The following PCDH10 variants were observed in gnomAD, a reference collection of about 807,000 sequenced individuals.
The protein encoded by PCDH10 is protocadherin 10.
Under a neutral mutation model 74.4 loss-of-function variants are expected in PCDH10, and 15 were observed. The ratio of observed to expected loss-of-function variants is 0.20; its 90% confidence interval spans 0.13 to 0.31. The LOEUF is 0.31. PCDH10 is among the 10% of genes least tolerant of loss of function. The pLI is 1.00. For synonymous variants in PCDH10, 619 were observed against 589.8 expected, an observed-to-expected ratio of 1.05 and a Z score of -0.72; for missense variants, 1,260 against 1,390.2, an observed-to-expected ratio of 0.91 and a Z score of 1.49.
chr4:133,154,516 A>G (rs987025387), intron 2 of PCDH10, 151 bp downstream of exon 2: 2 of 563,530 alleles, frequency 3.5e-6, no homozygotes, highest in South Asian at 2.8e-5. Flanking sequence ...TGTTTCCTAG[A>G]CAATACATTA....
At chr4:133,175,074 T>C (rs1198316161) in intron 4 of PCDH10, among the ~76,000 whole-genome samples, 1 of 151,914 alleles carries the variant, frequency 6.6e-6, no homozygotes, top group Non-Finnish European at 1.5e-5. Flanking sequence ...ATATATCCAA[T>C]ATAGAGAAAG....
Position 133,159,914 on chromosome 4 carries a change from A to G in PCDH10, c.2798-3063A>G, listed in dbSNP as rs1211932366. ...GCATCATAAAGTCATTTATCACAAC[A>G]AAACTTAAATATGCCTCTGCTTACT... is the stretch of plus-strand genomic sequence containing the variant. On this transcript the variant is annotated intron_variant, in intron 3 of 4. Coordinates refer to ENST00000264360, the MANE Select transcript of PCDH10 (RefSeq NM_032961.3). 2.0e-5 allele frequency among the ~76,000 whole-genome samples: 3 copies of G among 151,950 alleles called. No individual in the cohort carries two copies. In the East Asian group the frequency reaches 5.8e-4, roughly 29 times the overall value.
chr4:133,207,646 T>C (rs1198723080), intron 2 of PCDH10, among the ~76,000 whole-genome samples: 1 of 152,182 alleles, frequency 6.6e-6, no homozygotes, highest in East Asian at 1.9e-4. Context: ...GTAACTGTAC[T>C]CATCAATTAC....
intron 2 of PCDH10, among the ~76,000 whole-genome samples, chr4:133,201,968 T>G (rs1470224367): frequency 2.0e-5 from 3 of 152,042 alleles, no homozygotes; most frequent in African/African-American, 7.3e-5. Flanking sequence ...TTAGGGCATT[T>G]GAGGCTCTCT....
chr4:133,202,617 C>T (rs1439677329), intron 2 of PCDH10, among the ~76,000 whole-genome samples: 2 of 151,924 alleles, frequency 1.3e-5, no homozygotes, highest in Non-Finnish European at 2.9e-5. Context: ...TCCAAGGGGT[C>T]AATTCTTAGA....
At position 133,152,198 on chromosome 4, in the gene PCDH10, G is replaced by A. The variant is rs1478985261; in HGVS notation, c.2058G>A (p.Gln686=). The change falls in exon 1 of 5, where the codon CAG becomes CAA. Residue 686 remains glutamine, a synonymous_variant. Coordinates refer to ENST00000264360, the MANE Select transcript of PCDH10 (RefSeq NM_032961.3). ...VQLVDGAVEP[Q]GGGGSGGGGS... ...TGGTGGATGGCGCCGTGGAGCCCCA[G>A]GGCGGGGGCGGGAGCGGAGGCGGAG... The A allele has an allele frequency of 6.3e-7, 1 of 1,581,156 alleles. No individual in the cohort carries two copies. Among genetic ancestry groups the A allele is most frequent in the Non-Finnish European group, 8.6e-7 (1 of 1,163,988 alleles).
chr4:133,162,082 G>A (rs1726981388), intron 3 of PCDH10, among the ~76,000 whole-genome samples: 1 of 152,120 alleles, frequency 6.6e-6, no homozygotes, highest in African/African-American at 2.4e-5. Flanking sequence ...ATCTAAGGAA[G>A]ACAATGAAAT....
In PCDH10 at chr4:133,150,656, G is replaced by T. The variant is rs765112971; in HGVS notation, c.516G>T (p.Gln172His). ...TPNSYFSLDVQTQGDGNRFAE... is the reference protein window; with the variant it reads ...TPNSYFSLDVHTQGDGNRFAE... ...ACAGCTACTTCTCCCTGGACGTGCAGACCCAGGGGGATGGCAACCGATTCG... is the reference window on the plus strand; with the variant it reads ...ACAGCTACTTCTCCCTGGACGTGCATACCCAGGGGGATGGCAACCGATTCG... Residue 172 changes from glutamine to histidine, a missense_variant, in exon 1 of 5, where the codon CAG (glutamine) becomes CAT (histidine). Gln to His is a conservative substitution (Grantham distance 24, BLOSUM62 0). Transcript: ENST00000264360. 1 of 1,613,182 alleles carries T rather than the reference G, an allele frequency of 6.2e-7. No individual in the cohort carries two copies. The highest frequency in any genetic ancestry group is 8.5e-7 in the Non-Finnish European group (1 of 1,179,978).
At position 133,164,034 on chromosome 4, in the gene PCDH10, G is replaced by A. The variant is rs571597474; in HGVS notation, c.3103+752G>A. 11 of 456,024 alleles carry A rather than the reference G, an allele frequency of 2.4e-5. 1 individual carries two copies. Among genetic ancestry groups the A allele is most frequent in the South Asian group, 1.6e-4 (10 of 64,346 alleles). 28.2% of individuals were successfully genotyped at this position (456,024 alleles called of 1,614,324 possible). Reference sequence around the variant, plus strand: ...TGCTTAAAGGAATGGTCTTTTATTAGATGCATACATTGTAGTGACAACAAT... The same window carrying A: ...TGCTTAAAGGAATGGTCTTTTATTAAATGCATACATTGTAGTGACAACAAT... On this transcript the variant is annotated intron_variant, in intron 4 of 4. Transcript: ENST00000264360.
At position 133,152,386 on chromosome 4, in the gene PCDH10, A is replaced by G. The variant is rs746251600; in HGVS notation, c.2246A>G (p.Tyr749Cys). The change falls in exon 1 of 5, where the codon TAT becomes TGT. Residue 749 changes from tyrosine (Y) to cysteine (C), a missense_variant. Physicochemically the swap from Tyr to Cys is radical, Grantham distance 194. Coordinates refer to ENST00000264360, the MANE Select transcript of PCDH10 (RefSeq NM_032961.3). ...RCQKEKKLNI[Y>C]TCLASDCCLC... Reference sequence around the variant, plus strand: ...CAAAAAGAGAAGAAGCTCAACATCTATACTTGTCTGGCCAGCGATTGCTGC... The same window carrying G: ...CAAAAAGAGAAGAAGCTCAACATCTGTACTTGTCTGGCCAGCGATTGCTGC... The G allele has an allele frequency of 3.3e-5, 53 of 1,614,052 alleles. No homozygotes were observed. The Admixed American group carries it at 8.7e-4, about 26-fold the overall frequency.
At chr4:133,160,888 T>C (rs975536424) in intron 3 of PCDH10, among the ~76,000 whole-genome samples, 8 of 152,022 alleles carry the variant, frequency 5.3e-5, no homozygotes, top group African/African-American at 1.4e-4. Context: ...GTTTCTACTA[T>C]TAAAAAAATC....
rs1726609974 is a variant in PCDH10, at chr4:133,149,871, TATTA to T, written c.-265_-262del. Reference sequence around the variant, plus strand: ...GCTGACTATTGTATTATTGTTATTTTATTAATTAGTCAGTGGAAAGATTACAGAT... The same window carrying T: ...GCTGACTATTGTATTATTGTTATTTTATTAGTCAGTGGAAAGATTACAGAT... On this transcript the variant is annotated 5_prime_UTR_variant, in exon 1 of 5. Transcript: ENST00000264360. The T allele has an allele frequency of 3.0e-6, 1 of 335,274 alleles. No individual in the cohort carries two copies. Among genetic ancestry groups the T allele is most frequent in the Non-Finnish European group, 5.4e-6 (1 of 185,616 alleles). 20.8% of individuals were successfully genotyped at this position (335,274 alleles called of 1,614,324 possible). A position where few individuals can be genotyped will look rare whatever the true frequency, so the allele number is the denominator to read the frequency against.
intron 4 of PCDH10, among the ~76,000 whole-genome samples, chr4:133,171,401 C>T (rs191870188): frequency 1.6e-3 from 242 of 152,184 alleles, no homozygotes; most frequent in African/African-American, 5.3e-3. Context: ...AGAAGTAACA[C>T]ATAACTAAAA....
chr4:133,202,414 A>G (rs528956368), intron 2 of PCDH10, among the ~76,000 whole-genome samples: 5 of 152,326 alleles, frequency 3.3e-5, no homozygotes, highest in Admixed American at 1.3e-4. Flanking sequence ...ACCTTACTCA[A>G]GAGCCCAACA....
At chr4:133,197,338 G>A (rs901643389), downstream of PCDH10, among the ~76,000 whole-genome samples, 3 of 152,080 alleles carry the variant, frequency 2.0e-5, no homozygotes, top group Admixed American at 6.6e-5. Context: ...GGCAGTATTC[G>A]GTATCTGCTC....
chr4:133,155,534 A>G (rs919844421), intron 3 of PCDH10, among the ~76,000 whole-genome samples: 1 of 152,230 alleles, frequency 6.6e-6, no homozygotes, highest in Non-Finnish European at 1.5e-5. Context: ...ATGGTGATTA[A>G]AAGTCATTAA....
intron 4 of PCDH10, among the ~76,000 whole-genome samples, chr4:133,181,472 T>C (rs979455584): frequency 1.3e-5 from 2 of 152,094 alleles, no homozygotes; most frequent in Non-Finnish European, 2.9e-5. Flanking sequence ...AGGACAGCAT[T>C]GCCAGACTTA....
At position 133,151,000 on chromosome 4, in the gene PCDH10, A is replaced by T. The variant is rs761355771; in HGVS notation, c.860A>T (p.Tyr287Phe). The change falls in exon 1 of 5, where the codon TAC becomes TTC. Residue 287 changes from tyrosine to phenylalanine, a missense_variant. Transcript: ENST00000264360. ...PDEGQNGEVV[Y>F]SFSSHISPRA... ...GAGGGCCAGAACGGTGAGGTCGTGT[A>T]CTCCTTCAGCAGCCACATTTCGCCC... 41 of 1,613,568 alleles carry T rather than the reference A, an allele frequency of 2.5e-5. No individual in the cohort carries two copies. The South Asian group carries it at 4.2e-4, about 16-fold the overall frequency.
At position 133,192,823 on chromosome 4, in the gene PCDH10, GA is replaced by G. The variant is rs1727708199; in HGVS notation, c.*2664del. The G allele has an allele frequency of 2.0e-5, 3 of 151,550 alleles. No individual in the cohort carries two copies. In the South Asian group the frequency reaches 6.2e-4, roughly 31 times the overall value. The allele number at this position is 151,550 out of a possible 1,614,324, so 9.4% of individuals were successfully genotyped here. A position where few individuals can be genotyped will look rare whatever the true frequency, so the allele number is the denominator to read the frequency against. On this transcript the variant is annotated 3_prime_UTR_variant, in exon 5 of 5. Coordinates refer to ENST00000264360, the MANE Select transcript of PCDH10 (RefSeq NM_032961.3). ...TAAAATGTTTTCTTCCAATGAGGGG[GA>G]CTATAAAATGGAAAGTGCAACCAAC... is the stretch of plus-strand genomic sequence containing the variant.
Sources: allele counts gnomAD v4.1 joint callset (sites outside exome capture counted in the v4.1 genomes callset), GRCh38; gene constraint gnomAD v4.1.1; transcripts MANE v1.5; gene names NCBI Gene and HGNC (gene_info 2026-07-23, HGNC 2026-07-21).